The following CDK14 variants were observed in gnomAD, a reference collection of about 807,000 sequenced individuals.
CDK14 encodes the protein cyclin dependent kinase 14.
CDK14 carries 34 observed loss-of-function variants against 60.7 expected under a neutral mutation model. That is an observed-to-expected ratio of 0.56 (90% CI 0.43 to 0.75). The LOEUF (loss-of-function observed/expected upper bound fraction) is 0.75, where lower values mean the gene tolerates loss of function less well. CDK14 is among the 30% of genes least tolerant of loss of function. CDK14 has a pLI of 0.00. For missense variants in CDK14, 482 were observed against 564.1 expected (o/e 0.85, Z 1.47); for synonymous variants, 197 against 203.7 (o/e 0.97, Z 0.28).
intron 4 of CDK14, among the ~76,000 whole-genome samples, chr7:90,772,329 A>G (rs78008078): frequency 0.013 from 1,964 of 152,322 alleles, 59 homozygotes; most frequent in African/African-American, 0.045. Flanking sequence ...AAACATTATG[A>G]AAGAAATAAG....
intron 8 of CDK14, among the ~76,000 whole-genome samples, chr7:90,951,738 C>T (rs1008547333): frequency 6.6e-6 from 1 of 152,206 alleles, no homozygotes; most frequent in African/African-American, 2.4e-5. Flanking sequence ...GTTTTTGGAA[C>T]TTGAAACAGT....
At chr7:91,092,180 A>G (rs1277244868) in intron 12 of CDK14, among the ~76,000 whole-genome samples, 1 of 152,224 alleles carries the variant, frequency 6.6e-6, no homozygotes, top group Non-Finnish European at 1.5e-5. Flanking sequence ...ATCATTTTAT[A>G]TAAACAGCCA....
chr7:91,126,467 C>T (rs1360337820), intron 14 of CDK14, among the ~76,000 whole-genome samples: 3 of 152,038 alleles, frequency 2.0e-5, no homozygotes, highest in Non-Finnish European at 4.4e-5. Flanking sequence ...TATAATCATC[C>T]CTAGTTTACA....
At chr7:90,786,280 T>C (rs1266674325) in intron 4 of CDK14, among the ~76,000 whole-genome samples, 2 of 152,250 alleles carry the variant, frequency 1.3e-5, no homozygotes, top group African/African-American at 4.8e-5. Flanking sequence ...TTTATTTACC[T>C]GAATTAACGT....
chr7:90,872,527 T>C (rs747956134), intron 6 of CDK14, among the ~76,000 whole-genome samples: 2 of 152,158 alleles, frequency 1.3e-5, no homozygotes, highest in African/African-American at 2.4e-5. Context: ...CTGTAATTGG[T>C]AGGACAAAAT....
intron 5 of CDK14, among the ~76,000 whole-genome samples, chr7:90,846,058 C>G (rs1000055751): frequency 3.3e-5 from 5 of 152,086 alleles, no homozygotes; most frequent in Admixed American, 6.6e-5. Context: ...AGGACCCAAA[C>G]CTTTGTCTCC....
intron 1 of CDK14, among the ~76,000 whole-genome samples, chr7:90,600,000 A>G (rs1052340385): frequency 6.6e-6 from 1 of 152,230 alleles, no homozygotes; most frequent in Admixed American, 6.5e-5. Context: ...TGCCCACCCC[A>G]AATACAGCTG....
At chr7:91,169,958 T>C (rs1801465704) in intron 14 of CDK14, among the ~76,000 whole-genome samples, 2 of 152,254 alleles carry the variant, frequency 1.3e-5, no homozygotes, top group South Asian at 4.1e-4. Context: ...GTTTTCCTGC[T>C]GAGCTGCCAT....
At chr7:90,930,584 T>C (rs1016592518) in intron 8 of CDK14, among the ~76,000 whole-genome samples, 1 of 149,856 alleles carries the variant, frequency 6.7e-6, no homozygotes, top group Non-Finnish European at 1.5e-5. Context: ...CTTCAGTGTC[T>C]GAGGGCATTC....
intron 7 of CDK14, among the ~76,000 whole-genome samples, chr7:90,910,130 A>C (rs1355358508): frequency 6.6e-6 from 1 of 152,182 alleles, no homozygotes; most frequent in African/African-American, 2.4e-5. Flanking sequence ...CATAAATTAT[A>C]CTGTAATGTT....
intron 4 of CDK14, among the ~76,000 whole-genome samples, chr7:90,785,843 A>T (rs914400793): frequency 1.3e-5 from 2 of 152,188 alleles, no homozygotes; most frequent in South Asian, 4.1e-4. Context: ...TCCCACAAGA[A>T]AATTTTATAT....
intron 2 of CDK14, among the ~76,000 whole-genome samples, chr7:90,618,889 G>A (rs758927554): frequency 2.6e-5 from 4 of 152,192 alleles, no homozygotes; most frequent in Non-Finnish European, 4.4e-5. Flanking sequence ...AGGAGAATTT[G>A]TGCCTTATTG....
intron 2 of CDK14, among the ~76,000 whole-genome samples, chr7:90,662,137 T>A (rs1377757028): frequency 6.6e-6 from 1 of 152,254 alleles, no homozygotes; most frequent in Non-Finnish European, 1.5e-5. Flanking sequence ...CACTTTCACA[T>A]GTTTGGAACT....
At chr7:90,960,803 G>T (rs1283026434) in intron 9 of CDK14, among the ~76,000 whole-genome samples, 1 of 152,014 alleles carries the variant, frequency 6.6e-6, no homozygotes, top group African/African-American at 2.4e-5. Flanking sequence ...ATGTTTTAAG[G>T]TAGAGAATCA....
intron 14 of CDK14, among the ~76,000 whole-genome samples, chr7:91,187,740 C>T (rs1300844698): frequency 6.6e-6 from 1 of 152,194 alleles, no homozygotes; most frequent in Non-Finnish European, 1.5e-5. Flanking sequence ...ATTTTATAGG[C>T]AGGCTTGAGG....
At chr7:90,747,190 T>G (rs1803629288) in intron 3 of CDK14, among the ~76,000 whole-genome samples, 1 of 152,198 alleles carries the variant, frequency 6.6e-6, no homozygotes, top group Non-Finnish European at 1.5e-5. Flanking sequence ...CCTTCAACCA[T>G]TAGAAAAGGT....
intron 11 of CDK14, among the ~76,000 whole-genome samples, chr7:91,075,866 C>G (rs532210121): frequency 2.0e-5 from 3 of 152,178 alleles, no homozygotes; most frequent in East Asian, 3.9e-4. Context: ...CTCTTATTCA[C>G]AATTGCCATA....
chr7:90,798,797 C>T (rs1483018816), intron 5 of CDK14, among the ~76,000 whole-genome samples: 2 of 152,284 alleles, frequency 1.3e-5, no homozygotes, highest in Non-Finnish European at 2.9e-5. Context: ...AATTCAAGTT[C>T]AGGCGCTTTG....
At chr7:90,709,742 G>T in intron 2 of CDK14, 1 of 1,418,136 alleles carries the variant, frequency 7.1e-7, no homozygotes, top group Non-Finnish European at 9.2e-7. Flanking sequence ...ATTCCACTGA[G>T]ATTAGCTTCT....
Sources: gnomAD v4.1 joint callset for allele counts (sites outside exome capture counted in the v4.1 genomes callset) on GRCh38, gnomAD v4.1.1 for gene constraint, MANE v1.5 for transcripts, NCBI Gene and HGNC (gene_info 2026-07-23, HGNC 2026-07-21) for gene names.